Variants in NTRK2 observed in about 807,000 individuals in gnomAD.
NTRK2 encodes the protein BDNF/NT-3 growth factors receptor.
In NTRK2, 13 loss-of-function variants were observed where a neutral mutation model predicts 94.5. The observed-to-expected ratio is 0.14, with a 90% CI of 0.09 to 0.22. The LOEUF is 0.22. Ranked by LOEUF, NTRK2 falls within the 10% of genes least tolerant of loss-of-function variation. The pLI is 1.00. For synonymous variants in NTRK2, 372 were observed against 407.4 expected (o/e 0.91, Z 1.05); for missense variants, 639 against 1,071.2 (o/e 0.60, Z 5.63).
At chr9:84,729,030 G>A (rs2062656384) in intron 9 of NTRK2, among the ~76,000 whole-genome samples, 2 of 152,196 alleles carry the variant, frequency 1.3e-5, no homozygotes, top group Non-Finnish European at 1.5e-5. Flanking sequence ...TTGGTGGAGA[G>A]AAGGGAAAAT....
chr9:84,675,273 T>C (rs2058966050), intron 2 of NTRK2, among the ~76,000 whole-genome samples: 1 of 150,220 alleles, frequency 6.7e-6, no homozygotes, highest in South Asian at 2.1e-4. Flanking sequence ...TTTGTTTAGC[T>C]GGGGAAGGGG....
chr9:84,864,705 C>A (rs564087197), intron 13 of NTRK2, among the ~76,000 whole-genome samples: 2 of 144,556 alleles, frequency 1.4e-5, no homozygotes, highest in African/African-American at 5.1e-5. Context: ...TGACAAGATG[C>A]GGAAACCTTA....
At chr9:84,983,670 C>T (rs1254462385) in intron 17 of NTRK2, among the ~76,000 whole-genome samples, 1 of 152,156 alleles carries the variant, frequency 6.6e-6, no homozygotes, top group African/African-American at 2.4e-5. Context: ...GATCATTCCC[C>T]ATAAAAATTC....
chr9:84,878,649 A>T (rs75935304), intron 14 of NTRK2, among the ~76,000 whole-genome samples: 2 of 151,464 alleles, frequency 1.3e-5, no homozygotes, highest in African/African-American at 4.8e-5. Flanking sequence ...AAAAAAAAAA[A>T]TTCTGATATT....
At chr9:84,815,064 G>C in intron 12 of NTRK2, 5 of 1,058,656 alleles carry the variant, frequency 4.7e-6, no homozygotes, top group Non-Finnish European at 5.7e-6. Context: ...AGAACTCCCA[G>C]CCCAGGAAAG....
chr9:84,759,113 A>G (rs2065321783), intron 12 of NTRK2, among the ~76,000 whole-genome samples: 1 of 152,234 alleles, frequency 6.6e-6, no homozygotes, highest in Non-Finnish European at 1.5e-5. Context: ...CATTCAGTTG[A>G]AAGAGTCATT....
intron 12 of NTRK2, among the ~76,000 whole-genome samples, chr9:84,783,086 C>T (rs1014279586): frequency 2.6e-5 from 4 of 151,086 alleles, no homozygotes; most frequent in Non-Finnish European, 4.4e-5. Flanking sequence ...AATGTCCTCT[C>T]GCTGTCCCAC....
intron 14 of NTRK2, among the ~76,000 whole-genome samples, chr9:84,903,579 A>G (rs139898676): frequency 2.5e-3 from 385 of 152,318 alleles, no homozygotes; most frequent in African/African-American, 8.8e-3. Context: ...GAGGCCAGAT[A>G]GGAGAGGTAG....
At chr9:85,007,777 T>G (rs1041662305) in intron 17 of NTRK2, among the ~76,000 whole-genome samples, 2 of 152,232 alleles carry the variant, frequency 1.3e-5, no homozygotes, top group African/African-American at 4.8e-5. Flanking sequence ...CTAACTGATA[T>G]GGCCTCTTTA....
chr9:84,905,877 A>T (rs1331846139), intron 14 of NTRK2, among the ~76,000 whole-genome samples: 1 of 152,214 alleles, frequency 6.6e-6, no homozygotes, highest in Non-Finnish European at 1.5e-5. Flanking sequence ...TGCTGATTGG[A>T]TGTATAATAT....
In NTRK2 at chr9:85,023,598, A is replaced by G. The variant is rs1344331633; in HGVS notation, c.*2161A>G. 4 of 230,758 alleles carry G rather than the reference A, an allele frequency of 1.7e-5. No individual in the cohort carries two copies. The highest frequency in any genetic ancestry group is 2.6e-5 in the Non-Finnish European group (3 of 116,726). The allele number at this position is 230,758 out of a possible 1,614,324, so 14.3% of individuals were successfully genotyped here. A position where few individuals can be genotyped will look rare whatever the true frequency, so the allele number is the denominator to read the frequency against. ...TCTCTTTGTTGATGATTTTAAAAAA[A>G]CCCTCTAGAATACACATAATAACAT... On this transcript the variant is annotated 3_prime_UTR_variant, in exon 19 of 19. Coordinates refer to ENST00000277120, the MANE Select transcript of NTRK2 (RefSeq NM_006180.6).
chr9:84,835,169 TATC>T, intron 12 of NTRK2, among the ~76,000 whole-genome samples: 1 of 152,290 alleles, frequency 6.6e-6, no homozygotes. Flanking sequence ...TTCACCTACA[TATC>T]ATTTCAAGTG....
chr9:85,004,608 G>A (rs1056800683), intron 17 of NTRK2, among the ~76,000 whole-genome samples: 2 of 152,304 alleles, frequency 1.3e-5, no homozygotes, highest in African/African-American at 4.8e-5. Flanking sequence ...GGAATTCGCA[G>A]AAACATAATC....
At chr9:84,873,904 A>G in intron 14 of NTRK2, 1 of 1,062,544 alleles carries the variant, frequency 9.4e-7, no homozygotes, top group South Asian at 4.6e-5. Context: ...GGTCAGGGAG[A>G]CAGAGTGATA....
intron 2 of NTRK2, among the ~76,000 whole-genome samples, chr9:84,675,110 T>C (rs2058952510): frequency 6.6e-6 from 1 of 152,156 alleles, no homozygotes; most frequent in Non-Finnish European, 1.5e-5. Context: ...CATAAACCTC[T>C]GTTTGTGTCT....
chr9:84,836,539 A>G (rs2073882149), intron 12 of NTRK2, among the ~76,000 whole-genome samples: 1 of 150,588 alleles, frequency 6.6e-6, no homozygotes, highest in Non-Finnish European at 1.5e-5. Context: ...GAGAGAATAA[A>G]TTATTATCCT....
chr9:84,751,388 TGG>T (rs992727749), intron 11 of NTRK2, among the ~76,000 whole-genome samples: 1 of 152,180 alleles, frequency 6.6e-6, no homozygotes, highest in Non-Finnish European at 1.5e-5. Flanking sequence ...AACACCAGCC[TGG>T]GCAATATGGC....
In NTRK2 at chr9:85,024,412, A is replaced by T; in HGVS notation, c.*2975A>T. Reference sequence around the variant, plus strand: ...CTAGCCCAAACCTGGTCTGACAATCATTTCCATTTAGAAGTCATTGAATAG... The same window carrying T: ...CTAGCCCAAACCTGGTCTGACAATCTTTTCCATTTAGAAGTCATTGAATAG... On this transcript the variant is annotated 3_prime_UTR_variant, in exon 19 of 19. Coordinates refer to ENST00000277120, the MANE Select transcript of NTRK2 (RefSeq NM_006180.6). 1 of 233,042 alleles carries T rather than the reference A, an allele frequency of 4.3e-6. No homozygotes were observed. Among genetic ancestry groups the T allele is most frequent in the East Asian group, 6.0e-5 (1 of 16,538 alleles). The allele number at this position is 233,042 out of a possible 1,614,324, so 14.4% of individuals were successfully genotyped here.
chr9:84,982,972 T>C (rs1368112875), intron 17 of NTRK2, among the ~76,000 whole-genome samples: 2 of 152,076 alleles, frequency 1.3e-5, no homozygotes, highest in African/African-American at 4.8e-5. Context: ...TCCTGCCTAA[T>C]TTATACCCCA....
Sources: allele counts gnomAD v4.1 joint callset (sites outside exome capture counted in the v4.1 genomes callset), GRCh38; gene constraint gnomAD v4.1.1; transcripts MANE v1.5; gene names NCBI Gene and HGNC (gene_info 2026-07-23, HGNC 2026-07-21).